Variants in LINGO2 observed in about 807,000 individuals in gnomAD.
The protein encoded by LINGO2 is leucine rich repeat and Ig domain containing 2.
Under a neutral mutation model 30.6 loss-of-function variants are expected in LINGO2, and 14 were observed. The observed-to-expected ratio is 0.46, with a 90% CI of 0.30 to 0.72. The LOEUF is 0.72. Among genes scored for constraint, LINGO2 ranks in the 30% least tolerant of loss-of-function variants. LINGO2 has a pLI of 0.07. For synonymous variants in LINGO2, 317 were observed against 288.5 expected (o/e 1.10, Z -1.00); for missense variants, 729 against 751.7 (o/e 0.97, Z 0.35).
the LINGO2 span, among the ~76,000 whole-genome samples, chr9:28,943,770 A>G: frequency 6.6e-6 from 1 of 152,218 alleles, no homozygotes; most frequent in Non-Finnish European, 1.5e-5. Context: ...GAAGGTGGTG[A>G]GAAGAATAGT....
At chr9:28,841,125 T>C in the LINGO2 span, among the ~76,000 whole-genome samples, 1 of 151,898 alleles carries the variant, frequency 6.6e-6, no homozygotes, top group South Asian at 2.1e-4. Flanking sequence ...TATATAGTCC[T>C]ATAAATTTTT....
At chr9:28,023,838 G>C (rs1234363687) in intron 4 of LINGO2, among the ~76,000 whole-genome samples, 1 of 152,118 alleles carries the variant, frequency 6.6e-6, no homozygotes, top group Non-Finnish European at 1.5e-5. Flanking sequence ...GGCCCCCTAA[G>C]ATTATGCCAC....
the LINGO2 span, among the ~76,000 whole-genome samples, chr9:28,937,480 A>C: frequency 9.2e-5 from 14 of 152,338 alleles, no homozygotes; most frequent in East Asian, 2.5e-3. Context: ...CTAGAAAGGC[A>C]AATTCTGTTA....
chr9:27,991,329 C>T (rs538301011), intron 5 of LINGO2, among the ~76,000 whole-genome samples: 8 of 152,052 alleles, frequency 5.3e-5, no homozygotes, highest in South Asian at 4.1e-4. Flanking sequence ...TTTTCTCTCC[C>T]GGATGATTTG....
chr9:28,897,191 T>A, the LINGO2 span, among the ~76,000 whole-genome samples: 7 of 152,166 alleles, frequency 4.6e-5, no homozygotes, highest in Non-Finnish European at 1.0e-4. Flanking sequence ...GCTATCAGCG[T>A]CCAATGAAAC....
At chr9:28,246,551 T>C (rs1822007183) in intron 4 of LINGO2, among the ~76,000 whole-genome samples, 1 of 152,180 alleles carries the variant, frequency 6.6e-6, no homozygotes, top group Admixed American at 6.5e-5. Context: ...GCTAGCCGTA[T>C]GCAGAAAATT....
chr9:28,994,473 C>A, the LINGO2 span, among the ~76,000 whole-genome samples: 4 of 151,392 alleles, frequency 2.6e-5, no homozygotes, highest in Non-Finnish European at 4.4e-5. Flanking sequence ...AATGCCATCC[C>A]CATCAAGCTA....
chr9:28,080,644 AG>A (rs1396203625), intron 4 of LINGO2: 1 of 152,168 alleles, frequency 6.6e-6, no homozygotes, highest in Non-Finnish European at 1.5e-5. Context: ...TCCCCTCACA[AG>A]GTGTAGACAG....
intron 1 of LINGO2, among the ~76,000 whole-genome samples, chr9:28,554,928 A>C (rs948532879): frequency 1.4e-4 from 18 of 132,730 alleles, no homozygotes; most frequent in African/African-American, 5.8e-4. Context: ...GGCAGAAATA[A>C]AGATGTTCTT....
chr9:28,627,980 T>C (rs1423070425), intron 1 of LINGO2, among the ~76,000 whole-genome samples: 2 of 152,094 alleles, frequency 1.3e-5, no homozygotes, highest in East Asian at 3.9e-4. Context: ...TATGCTTACT[T>C]GTGTGGTCAA....
chr9:28,699,171 T>C, the LINGO2 span, among the ~76,000 whole-genome samples: 1 of 152,062 alleles, frequency 6.6e-6, no homozygotes, highest in Non-Finnish European at 1.5e-5. Flanking sequence ...TGTTAACTCT[T>C]AGTGTTACAT....
the LINGO2 span, among the ~76,000 whole-genome samples, chr9:29,111,860 T>C: frequency 2.0e-5 from 3 of 150,638 alleles, no homozygotes; most frequent in Non-Finnish European, 4.4e-5. Context: ...TGTATGTTCA[T>C]GTATATATGT....
At chr9:28,137,828 C>A (rs758776624) in intron 4 of LINGO2, among the ~76,000 whole-genome samples, 7 of 151,820 alleles carry the variant, frequency 4.6e-5, no homozygotes, top group Non-Finnish European at 8.8e-5. Context: ...TTTTGGTATA[C>A]CTTTAGTTCT....
Position 28,129,505 on chromosome 9 carries a change from G to T in LINGO2, c.-86-117100C>A, listed in dbSNP as rs182657792. 6.6e-6 allele frequency: 1 copy of T among 152,168 alleles called. No homozygotes were observed. The highest frequency in any genetic ancestry group is 6.5e-5 in the Admixed American group (1 of 15,268). 9.4% of individuals were successfully genotyped at this position (152,168 alleles called of 1,614,324 possible). On this transcript the variant is annotated intron_variant, in intron 4 of 5. Coordinates refer to ENST00000379992, the Ensembl canonical transcript of LINGO2. This position sits in a 1 kb window ranked among gnomAD's most constrained non-coding sequence, Gnocchi z 4.0. ...CATCACAGAAACAGCCTATCCAGTC[G>T]TACCTCTTCAGTCCTCAGACTGGGT...
intron 3 of LINGO2, among the ~76,000 whole-genome samples, chr9:28,309,573 A>G (rs1009357884): frequency 2.6e-5 from 4 of 152,100 alleles, no homozygotes; most frequent in African/African-American, 9.7e-5. Context: ...CCTAAAAGTT[A>G]AAGTATAATA....
intron 4 of LINGO2, among the ~76,000 whole-genome samples, chr9:28,260,544 G>A (rs974797599): frequency 5.3e-5 from 8 of 151,646 alleles, no homozygotes; most frequent in African/African-American, 1.7e-4. Context: ...GTCATTACTC[G>A]TAGTTACATT....
intron 4 of LINGO2, among the ~76,000 whole-genome samples, chr9:28,057,160 A>G (rs1044205886): frequency 5.1e-4 from 77 of 152,272 alleles, no homozygotes; most frequent in African/African-American, 1.7e-3. Flanking sequence ...CAAGATGTCT[A>G]TGCCTGTTCT....
At chr9:28,127,172 G>T (rs1410671871) in intron 4 of LINGO2, among the ~76,000 whole-genome samples, 2 of 152,158 alleles carry the variant, frequency 1.3e-5, no homozygotes, top group Non-Finnish European at 2.9e-5. Flanking sequence ...TCATCTAGAA[G>T]TAGAAACGTA....
At chr9:28,686,128 T>A in the LINGO2 span, among the ~76,000 whole-genome samples, 12 of 152,018 alleles carry the variant, frequency 7.9e-5, no homozygotes, top group African/African-American at 2.7e-4. Flanking sequence ...GAAATTAACC[T>A]GGCCATAAGG....
Sources: gnomAD v4.1 joint callset for allele counts (sites outside exome capture counted in the v4.1 genomes callset) on GRCh38, gnomAD v4.1.1 for gene constraint, Gnocchi (gnomAD v3.1) non-coding constraint, MANE v1.5 for transcripts, NCBI Gene and HGNC (gene_info 2026-07-23, HGNC 2026-07-21) for gene names.